Variants in SP1 observed in about 807,000 individuals in gnomAD.
The protein encoded by SP1 is Sp1 transcription factor.
Under a neutral mutation model 66.3 loss-of-function variants are expected in SP1, and 6 were observed. That is an observed-to-expected ratio of 0.09 (90% CI 0.05 to 0.18). The LOEUF is 0.18. Among genes scored for constraint, SP1 ranks in the 10% least tolerant of loss-of-function variants. The pLI is 1.00. For missense variants in SP1, 848 were observed against 964.5 expected, an observed-to-expected ratio of 0.88 and a Z score of 1.60; for synonymous variants, 417 against 360.8, an observed-to-expected ratio of 1.16 and a Z score of -1.77.
chr12:53,397,796 C>G (rs1938522946), intron 3 of SP1, among the ~76,000 whole-genome samples: 1 of 152,064 alleles, frequency 6.6e-6, no homozygotes, highest in Non-Finnish European at 1.5e-5. Flanking sequence ...TCAGATGATC[C>G]TCCCGCCTTG....
rs1442999568 is a variant in SP1 at position 53,382,569 on chromosome 12, C to T, written c.622C>T (p.Pro208Ser). 3 of 1,614,044 alleles carry T rather than the reference C, an allele frequency of 1.9e-6. No individual in the cohort carries two copies. Among genetic ancestry groups the T allele is most frequent in the Non-Finnish European group, 2.5e-6 (3 of 1,180,032 alleles). Residue 208 changes from proline (P) to serine (S), a missense_variant, in exon 3 of 6, where the codon CCA becomes TCA. Coordinates refer to ENST00000327443, the MANE Select transcript of SP1 (RefSeq NM_138473.3). ...TGGTTCTGGTCAAATACAGATCATA[C>T]CAGGTGCAAACCAACAGATTATCAC... Reference protein sequence around the residue: ...QDGSGQIQIIPGANQQIITNR... With the variant: ...QDGSGQIQIISGANQQIITNR...
intron 3 of SP1, among the ~76,000 whole-genome samples, chr12:53,388,749 G>A (rs1938282080): frequency 6.6e-6 from 1 of 152,156 alleles, no homozygotes; most frequent in Admixed American, 6.6e-5. Context: ...GGAGGCCAAG[G>A]CAGGCAGATC....
At position 53,380,200 on chromosome 12, in the gene SP1, G is replaced by T; in HGVS notation, c.-92G>T. ...TACCCCCCCCTCCCTGTCCGGTCCGGGTTCGCTTGCCTCGTCAGCGTCCGC... is the reference window on the plus strand; with the variant it reads ...TACCCCCCCCTCCCTGTCCGGTCCGTGTTCGCTTGCCTCGTCAGCGTCCGC... On this transcript the variant is annotated 5_prime_UTR_variant, in exon 1 of 6. Transcript: ENST00000327443. The T allele has an allele frequency of 1.1e-6, 1 of 921,300 alleles. No individual in the cohort carries two copies. Among genetic ancestry groups the T allele is most frequent in the East Asian group, 2.5e-5 (1 of 39,544 alleles). 57.1% of individuals were successfully genotyped at this position (921,300 alleles called of 1,614,324 possible).
chr12:53,391,098 G>A (rs889489450), intron 3 of SP1, among the ~76,000 whole-genome samples: 1 of 151,958 alleles, frequency 6.6e-6, no homozygotes, highest in African/African-American at 2.4e-5. Flanking sequence ...ATAATTAGTT[G>A]AGTTTTTTCA....
intron 1 of SP1, 102 bp downstream of exon 1, chr12:53,380,400 A>AGGC (rs949953012): frequency 3.7e-4 from 393 of 1,061,498 alleles, no homozygotes; most frequent in African/African-American, 3.6e-3. Flanking sequence ...GGCGGGCGGG[A>AGGC]GGCGGCGGCG....
intron 3 of SP1, among the ~76,000 whole-genome samples, chr12:53,385,856 C>G (rs1464873301): frequency 1.4e-5 from 2 of 138,550 alleles, no homozygotes; most frequent in Non-Finnish European, 3.1e-5. Flanking sequence ...GAGCTTGGAG[C>G]GAGCCAAGAT....
At chr12:53,391,060 T>C (rs1398631186) in intron 3 of SP1, among the ~76,000 whole-genome samples, 1 of 152,166 alleles carries the variant, frequency 6.6e-6, no homozygotes, top group East Asian at 1.9e-4. Context: ...TAAGTTACTT[T>C]TTGGGTGTCT....
intron 4 of SP1, among the ~76,000 whole-genome samples, chr12:53,407,331 A>T (rs79205721): frequency 0.35 from 46,218 of 133,308 alleles, 10,551 homozygotes; most frequent in African/African-American, 0.66. Context: ...AAAAAAAAAA[A>T]TTTTTTTTTT....
Position 53,383,551 on chromosome 12 carries a change from G to A in SP1, c.1604G>A (p.Ser535Asn), listed in dbSNP as rs1415427679. ...SMPGLQTINL[S>N]ALGTSGIQVH... ...CCAGGCCTCCAGACCATTAACCTCA[G>A]TGCATTGGGTACTTCAGGAATCCAG... is the stretch of plus-strand genomic sequence containing the variant. The change falls in exon 3 of 6, where the codon AGT becomes AAT. Residue 535 changes from serine (S) to asparagine (N), a missense_variant. Coordinates refer to ENST00000327443, the MANE Select transcript of SP1 (RefSeq NM_138473.3). The A allele has an allele frequency of 6.2e-7, 1 of 1,613,954 alleles. No individual in the cohort carries two copies. The highest frequency in any genetic ancestry group is 1.3e-5 in the African/African-American group (1 of 74,914).
intron 4 of SP1, among the ~76,000 whole-genome samples, chr12:53,408,787 T>A (rs1215019195): frequency 2.0e-5 from 3 of 151,986 alleles, no homozygotes; most frequent in African/African-American, 7.2e-5. Flanking sequence ...GCACCCATAG[T>A]CCCAGCTACT....
At chr12:53,397,675 T>C (rs1938521225) in intron 3 of SP1, among the ~76,000 whole-genome samples, 1 of 150,468 alleles carries the variant, frequency 6.6e-6, no homozygotes, top group South Asian at 2.1e-4. Context: ...AACCTGTGCC[T>C]CCTGAGTAGC....
chr12:53,409,070 T>C (rs1319309968), intron 4 of SP1, among the ~76,000 whole-genome samples: 1 of 146,140 alleles, frequency 6.8e-6, no homozygotes, highest in Non-Finnish European at 1.5e-5. Flanking sequence ...ACTAAAAATA[T>C]AAAAATTAGC....
chr12:53,407,897 A>C (rs1368452205), intron 4 of SP1, among the ~76,000 whole-genome samples: 9 of 146,748 alleles, frequency 6.1e-5, no homozygotes, highest in African/African-American at 2.2e-4. Context: ...TGGCCTCCCA[A>C]AGTGCTGGGA....
At chr12:53,380,383 A>C in intron 1 of SP1, 85 bp downstream of exon 1, 1 of 1,209,334 alleles carries the variant, frequency 8.3e-7, no homozygotes, top group South Asian at 2.1e-5. Context: ...CCCCGCCGTG[A>C]AGCGGGGGCG....
In SP1 at chr12:53,383,773, T is replaced by C; in HGVS notation, c.1675+151T>C. 3 of 689,754 alleles carry C rather than the reference T, an allele frequency of 4.3e-6. No homozygotes were observed. In the South Asian group the frequency reaches 5.8e-5, roughly 13 times the overall value. The allele number at this position is 689,754 out of a possible 1,614,324, so 42.7% of individuals were successfully genotyped here. ...ATAAATTTGAGAAATAGAGATTCTG[T>C]TTAAGTAATTTGGAACTGAAGTAAA... On this transcript the variant is annotated intron_variant, in intron 3 of 5. Coordinates refer to ENST00000327443, the MANE Select transcript of SP1 (RefSeq NM_138473.3).
At chr12:53,389,580 C>T (rs899307212) in intron 3 of SP1, among the ~76,000 whole-genome samples, 2 of 152,080 alleles carry the variant, frequency 1.3e-5, no homozygotes, top group Non-Finnish European at 1.5e-5. Flanking sequence ...CTCCTGGCCT[C>T]CCAAAATGCT....
In SP1 at chr12:53,411,436, G is replaced by T; in HGVS notation, c.*196G>T. On this transcript the variant is annotated 3_prime_UTR_variant, in exon 6 of 6. Coordinates refer to ENST00000327443, the MANE Select transcript of SP1 (RefSeq NM_138473.3). ...CTGTATCATCAGTGCCTCTTTGAAG[G>T]TGGGAAACATTAGTGAAAATTCTGT... is the stretch of plus-strand genomic sequence containing the variant. The T allele has an allele frequency of 2.0e-6, 1 of 499,014 alleles. No individual in the cohort carries two copies. Among genetic ancestry groups the T allele is most frequent in the Non-Finnish European group, 3.5e-6 (1 of 285,940 alleles). The allele number at this position is 499,014 out of a possible 1,614,324, so 30.9% of individuals were successfully genotyped here.
At position 53,382,766 on chromosome 12, in the gene SP1, T is replaced by C. The variant is rs139770557; in HGVS notation, c.819T>C (p.Ser273=). ...NITLLPVNSV[S]AATLTPSSQA... ...CCTTGCTACCTGTCAACAGCGTTTC[T>C]GCAGCTACCTTGACTCCCAGCTCTC... is the stretch of plus-strand genomic sequence containing the variant. The change falls in exon 3 of 6, where the codon TCT becomes TCC. Residue 273 remains serine, a synonymous_variant. Coordinates refer to ENST00000327443, the MANE Select transcript of SP1 (RefSeq NM_138473.3). 1.4e-4 allele frequency: 224 copies of C among 1,614,208 alleles called. No individual in the cohort carries two copies. The African/African-American group carries it at 2.8e-3, about 20-fold the overall frequency.
At chr12:53,384,966 CAG>C (rs1180418832) in intron 3 of SP1, among the ~76,000 whole-genome samples, 1 of 146,006 alleles carries the variant, frequency 6.8e-6, no homozygotes, top group African/African-American at 2.6e-5. Flanking sequence ...GCCTGGGCAA[CAG>C]AGTGAGACTC....
Sources: allele counts gnomAD v4.1 joint callset (sites outside exome capture counted in the v4.1 genomes callset), GRCh38; gene constraint gnomAD v4.1.1; transcripts MANE v1.5; gene names NCBI Gene and HGNC (gene_info 2026-07-23, HGNC 2026-07-21).